Variants in PPP1R9A observed in about 807,000 individuals in gnomAD.
PPP1R9A encodes protein phosphatase 1 regulatory subunit 9A.
PPP1R9A carries 59 observed loss-of-function variants against 141.9 expected under a neutral mutation model. The ratio of observed to expected loss-of-function variants is 0.42; its 90% CI spans 0.34 to 0.52. The LOEUF (loss-of-function observed/expected upper bound fraction) is 0.52. Ranked by LOEUF, PPP1R9A falls within the 20% of genes least tolerant of loss-of-function variation. The pLI, the probability that PPP1R9A is intolerant of heterozygous loss-of-function variation, is 0.10. For synonymous variants in PPP1R9A, 500 were observed against 569.7 expected, an observed-to-expected ratio of 0.88 and a Z score of 1.74; for missense variants, 1,444 against 1,611.9, an observed-to-expected ratio of 0.90 and a Z score of 1.78.
intron 4 of PPP1R9A, among the ~76,000 whole-genome samples, chr7:95,145,888 T>C (rs1053070905): frequency 6.6e-6 from 1 of 152,242 alleles, no homozygotes; most frequent in African/African-American, 2.4e-5. Context: ...ATTTTCTTTA[T>C]CCAGTCTATC....
chr7:95,069,007 A>T lies in PPP1R9A; in HGVS notation c.1396-42252A>T, dbSNP rs1813378399. On this transcript the variant is annotated intron_variant, in intron 2 of 19. Transcript: ENST00000433360. ...CATAGTATTTGCATATAACCCACAC[A>T]CGTCCTCCTGTCTACTTTAAACCAT... Among the ~76,000 whole-genome samples the T allele has an allele frequency of 2.0e-5, 3 of 152,158 alleles. No homozygotes were observed. In the South Asian group the frequency reaches 6.2e-4, roughly 32 times the overall value.
rs1052954846 is a variant in PPP1R9A at position 95,290,671 on chromosome 7, G to A, written c.*368G>A. ...ACCCTGGTGTTGTTAATGGAGCGCCGTGAATTTTCAGTGTGGGATCCTGAA... is the reference window on the plus strand; with the variant it reads ...ACCCTGGTGTTGTTAATGGAGCGCCATGAATTTTCAGTGTGGGATCCTGAA... On this transcript the variant is annotated 3_prime_UTR_variant, in exon 20 of 20. Coordinates refer to ENST00000433360, the MANE Select transcript of PPP1R9A (RefSeq NM_001166160.2). 9.9e-5 allele frequency: 21 copies of A among 211,768 alleles called. No individual in the cohort carries two copies. Among genetic ancestry groups the A allele is most frequent in the East Asian group, 6.4e-4 (6 of 9,442 alleles). 13.1% of individuals were successfully genotyped at this position (211,768 alleles called of 1,614,324 possible).
chr7:95,009,275 A>G (rs1804072670), intron 2 of PPP1R9A, among the ~76,000 whole-genome samples: 1 of 152,210 alleles, frequency 6.6e-6, no homozygotes, highest in South Asian at 2.1e-4. Flanking sequence ...CGTTGTGCAC[A>G]TGTACACTAG....
At position 95,286,249 on chromosome 7, in the gene PPP1R9A, C is replaced by G. The variant is rs1444859556; in HGVS notation, c.3653C>G (p.Ser1218Ter). Residue 1218 changes from serine to a stop codon, truncating the protein, a stop_gained, in exon 18 of 20, where the codon TCA becomes TGA. Transcript: ENST00000433360. LOFTEE classifies it high-confidence loss of function. ...NDDFSPSSTS[S>*]ADLSGLGAEP... ...GACTTCAGTCCCAGCAGTACCAGTT[C>G]AGCAGACCTCAGCGGCTTAGGAGCA... The G allele has an allele frequency of 6.2e-7, 1 of 1,613,700 alleles. No individual in the cohort carries two copies. The highest frequency in any genetic ancestry group is 1.1e-5 in the South Asian group (1 of 91,062).
chr7:95,179,254 C>T (rs1051065983), intron 5 of PPP1R9A, among the ~76,000 whole-genome samples: 8 of 152,076 alleles, frequency 5.3e-5, no homozygotes, highest in African/African-American at 1.9e-4. Context: ...ACTACATAAA[C>T]AGAATTAAAA....
At chr7:95,259,942 T>G (rs942932214) in intron 12 of PPP1R9A, among the ~76,000 whole-genome samples, 2 of 152,130 alleles carry the variant, frequency 1.3e-5, no homozygotes, top group Non-Finnish European at 2.9e-5. Flanking sequence ...TAATGTAAAC[T>G]TTCACAATTT....
chr7:95,177,455 A>G (rs953584881), intron 5 of PPP1R9A, among the ~76,000 whole-genome samples: 8 of 152,128 alleles, frequency 5.3e-5, no homozygotes, highest in Non-Finnish European at 2.9e-5. Context: ...AAACAAAAAT[A>G]CAAGTTAACA....
intron 2 of PPP1R9A, among the ~76,000 whole-genome samples, chr7:94,964,341 T>C (rs1797970219): frequency 1.3e-5 from 2 of 152,266 alleles, no homozygotes; most frequent in South Asian, 2.1e-4. Context: ...AGATTAATTT[T>C]ACTTTTTTAA....
chr7:95,093,782 C>T (rs1348919270), intron 2 of PPP1R9A, among the ~76,000 whole-genome samples: 3 of 152,068 alleles, frequency 2.0e-5, no homozygotes, highest in Non-Finnish European at 4.4e-5. Flanking sequence ...TTCTAGAATA[C>T]AGCCTGAACT....
intron 2 of PPP1R9A, among the ~76,000 whole-genome samples, chr7:94,974,695 C>T (rs930305668): frequency 2.0e-5 from 3 of 152,132 alleles, no homozygotes; most frequent in Non-Finnish European, 2.9e-5. Context: ...TCCTGGGAAA[C>T]GTACATAAAT....
intron 2 of PPP1R9A, among the ~76,000 whole-genome samples, chr7:95,035,118 C>G (rs1484034666): frequency 2.6e-5 from 4 of 152,080 alleles, no homozygotes; most frequent in Non-Finnish European, 5.9e-5. Flanking sequence ...TCTGAAGCAT[C>G]AAAAGACTAA....
At chr7:94,925,453 G>A (rs913276156) in intron 2 of PPP1R9A, among the ~76,000 whole-genome samples, 4 of 152,060 alleles carry the variant, frequency 2.6e-5, no homozygotes, top group Non-Finnish European at 4.4e-5. Flanking sequence ...AGCTGTTTCG[G>A]GGAGGAAACT....
chr7:95,252,182 C>A, intron 12 of PPP1R9A, 52 bp downstream of exon 12: 1 of 1,464,336 alleles, frequency 6.8e-7, no homozygotes, highest in Non-Finnish European at 9.0e-7. Flanking sequence ...GTAATTTGGC[C>A]TTTTATTTTT....
intron 2 of PPP1R9A, among the ~76,000 whole-genome samples, chr7:95,096,001 G>C (rs1209457715): frequency 1.5e-5 from 2 of 131,216 alleles, no homozygotes; most frequent in South Asian, 2.5e-4. Flanking sequence ...TGCTAGAAAT[G>C]CTTGCTAAAA....
At chr7:94,977,823 C>T (rs1463523816) in intron 2 of PPP1R9A, among the ~76,000 whole-genome samples, 2 of 148,444 alleles carry the variant, frequency 1.3e-5, no homozygotes, top group Admixed American at 6.8e-5. Context: ...AGTTCAGTGG[C>T]GTGATCTCGG....
chr7:94,939,401 G>T (rs971297766), intron 2 of PPP1R9A, among the ~76,000 whole-genome samples: 1 of 152,044 alleles, frequency 6.6e-6, no homozygotes, highest in South Asian at 2.1e-4. Flanking sequence ...AAATGAAACA[G>T]AGTAACACTG....
intron 2 of PPP1R9A, among the ~76,000 whole-genome samples, chr7:95,023,273 T>C (rs1315353173): frequency 6.6e-6 from 1 of 152,194 alleles, no homozygotes; most frequent in African/African-American, 2.4e-5. Flanking sequence ...TGTAGAGTTG[T>C]TTATAGTATT....
intron 5 of PPP1R9A, among the ~76,000 whole-genome samples, chr7:95,166,798 A>T (rs761578035): frequency 6.6e-6 from 1 of 152,236 alleles, no homozygotes; most frequent in Non-Finnish European, 1.5e-5. Flanking sequence ...ACAGTACATT[A>T]AAAAGATAAT....
At chr7:95,064,811 G>A (rs968553407) in intron 2 of PPP1R9A, among the ~76,000 whole-genome samples, 18 of 152,138 alleles carry the variant, frequency 1.2e-4, no homozygotes, top group Admixed American at 1.0e-3. Flanking sequence ...TGCAGAATCT[G>A]GAGAATTAAT....
Sources: gnomAD v4.1 joint callset for allele counts (sites outside exome capture counted in the v4.1 genomes callset) on GRCh38, gnomAD v4.1.1 for gene constraint, MANE v1.5 for transcripts, NCBI Gene and HGNC (gene_info 2026-07-23, HGNC 2026-07-21) for gene names.